Variants in CABLES1 observed in about 807,000 individuals in gnomAD.
The protein encoded by CABLES1 is CDK5 and ABL1 enzyme substrate 1.
A neutral mutation model predicts 57.8 loss-of-function variants in CABLES1; 36 were observed. That is an observed-to-expected ratio of 0.62 (90% confidence interval 0.48 to 0.82). The LOEUF (loss-of-function observed/expected upper bound fraction) is 0.82, where lower values mean the gene tolerates loss of function less well. Among genes scored for constraint, CABLES1 ranks in the 40% least tolerant of loss-of-function variants. The pLI is 0.00. For missense variants in CABLES1, 767 were observed against 836.6 expected, an observed-to-expected ratio of 0.92 and a Z score of 1.03; for synonymous variants, 374 against 363.0, an observed-to-expected ratio of 1.03 and a Z score of -0.35.
Position 23,169,111 on chromosome 18 carries a change from C to T in CABLES1, c.846-19727C>T, listed in dbSNP as rs531085800. On this transcript the variant is annotated intron_variant, in intron 1 of 9. Transcript: ENST00000256925. Reference sequence around the variant, plus strand: ...GAGTGACCTCTGGTCATCCTCACTGCTACACTCCCACCAGCGCCATGACAG... The same window carrying T: ...GAGTGACCTCTGGTCATCCTCACTGTTACACTCCCACCAGCGCCATGACAG... Among the ~76,000 whole-genome samples, 6 of 152,256 alleles carry T rather than the reference C, an allele frequency of 3.9e-5. No homozygotes were observed. The South Asian group carries it at 1.0e-3, about 26-fold the overall frequency.
intron 1 of CABLES1, among the ~76,000 whole-genome samples, chr18:23,141,927 A>G (rs2046860557): frequency 6.6e-6 from 1 of 152,176 alleles, no homozygotes; most frequent in Non-Finnish European, 1.5e-5. Flanking sequence ...GGAGGGTAGA[A>G]TAGGAGGCAG....
intron 4 of CABLES1, among the ~76,000 whole-genome samples, chr18:23,223,832 T>TA (rs1358349400): frequency 1.3e-5 from 2 of 152,072 alleles, no homozygotes; most frequent in Non-Finnish European, 2.9e-5. Flanking sequence ...TGTCAGGACT[T>TA]ACTGGCATGC....
intron 7 of CABLES1, 97 bp from the exon 8 acceptor site, chr18:23,252,863 A>T (rs1005719690): frequency 1.3e-6 from 1 of 758,894 alleles, no homozygotes; most frequent in Non-Finnish European, 2.3e-6. Flanking sequence ...CCCGTTGCTC[A>T]TGGCTTTGGG....
At position 23,209,169 on chromosome 18, in the gene CABLES1, C is replaced by T. The variant is rs79027740; in HGVS notation, c.1011-4808C>T. Among the ~76,000 whole-genome samples the T allele has an allele frequency of 3.5e-3, 537 of 152,344 alleles. 5 individuals are homozygous for T. Among genetic ancestry groups the T allele is most frequent in the Non-Finnish European group, 3.8e-3 (256 of 68,034 alleles). On this transcript the variant is annotated intron_variant, in intron 3 of 9. Transcript: ENST00000256925. ...TAGCATGGTGAAATCTCTCACCCTC[C>T]CACTCTGTTTGATCTGGGACATGAG...
chr18:23,256,312 A>C (rs1021641633), intron 9 of CABLES1, among the ~76,000 whole-genome samples: 2 of 152,190 alleles, frequency 1.3e-5, no homozygotes, highest in Non-Finnish European at 2.9e-5. Flanking sequence ...GCAAGATGCC[A>C]CCAGGCTCAG....
intron 3 of CABLES1, among the ~76,000 whole-genome samples, chr18:23,212,637 T>G (rs934000338): frequency 6.6e-6 from 1 of 152,114 alleles, no homozygotes; most frequent in African/African-American, 2.4e-5. Flanking sequence ...CATGCATAGA[T>G]GGAGGGGCCA....
intron 7 of CABLES1, among the ~76,000 whole-genome samples, chr18:23,247,453 G>A (rs1038195355): frequency 8.5e-5 from 13 of 152,254 alleles, no homozygotes; most frequent in African/African-American, 2.9e-4. Context: ...CCCCTTCCAA[G>A]CCAGGATCTG....
chr18:23,161,589 A>T (rs977372645), intron 1 of CABLES1, among the ~76,000 whole-genome samples: 2 of 150,460 alleles, frequency 1.3e-5, no homozygotes, highest in Non-Finnish European at 3.0e-5. Context: ...ATACGTATGT[A>T]TCTGCATTTA....
chr18:23,168,890 G>C (rs544515270), intron 1 of CABLES1, among the ~76,000 whole-genome samples: 23 of 152,268 alleles, frequency 1.5e-4, no homozygotes, highest in African/African-American at 5.3e-4. Flanking sequence ...TTGAGCCAGA[G>C]CAGCTCCTTC....
intron 7 of CABLES1, among the ~76,000 whole-genome samples, chr18:23,248,188 G>C (rs936363816): frequency 6.6e-6 from 1 of 152,194 alleles, no homozygotes; most frequent in Admixed American, 6.5e-5. Flanking sequence ...CAGGGAGTGT[G>C]GCGCAGGGGC....
chr18:23,206,967 C>A (rs2047368455), intron 3 of CABLES1, among the ~76,000 whole-genome samples: 1 of 152,070 alleles, frequency 6.6e-6, no homozygotes, highest in Non-Finnish European at 1.5e-5. Context: ...TGTGCTACCA[C>A]ACCCAGCTGA....
Position 23,136,214 on chromosome 18 carries a change from C to T in CABLES1, c.452C>T (p.Pro151Leu), listed in dbSNP as rs1417314219. ...CCCTCGTCGCTGCCGCCCTTGATTC[C>T]TGGCGGCCATGCGACCGTGTCCGGC... is the stretch of plus-strand genomic sequence containing the variant. ...PQPSSLPPLIPGGHATVSGPG... is the reference protein window; with the variant it reads ...PQPSSLPPLILGGHATVSGPG... Residue 151 changes from proline (P) to leucine (L), a missense_variant, in exon 1 of 10, where the codon CCT (proline) becomes CTT (leucine). By Grantham distance (98) the Pro-to-Leu change is moderately conservative. Around this residue, in one of 4 missense-constraint regions of CABLES1, gnomAD observed 529 missense variants for 622.8 expected, o/e 0.85. Coordinates refer to ENST00000256925, the MANE Select transcript of CABLES1 (RefSeq NM_001100619.3). The T allele has an allele frequency of 2.4e-5, 30 of 1,258,836 alleles. No individual in the cohort carries two copies. The highest frequency in any genetic ancestry group is 2.3e-4 in the African/African-American group (15 of 64,074). The allele number at this position is 1,258,836 out of a possible 1,614,324, so 78.0% of individuals were successfully genotyped here.
chr18:23,175,994 C>A (rs2047120723), intron 1 of CABLES1, among the ~76,000 whole-genome samples: 1 of 152,080 alleles, frequency 6.6e-6, no homozygotes, highest in Admixed American at 6.5e-5. Flanking sequence ...ATGAATATTT[C>A]CAAATGTAAT....
At chr18:23,222,248 GCCCT>G (rs1247438585) in intron 4 of CABLES1, among the ~76,000 whole-genome samples, 1 of 152,100 alleles carries the variant, frequency 6.6e-6, no homozygotes, top group Admixed American at 6.5e-5. Context: ...GGGATACTCA[GCCCT>G]CCCTCCAGGC....
chr18:23,223,704 C>A (rs2047506803), intron 4 of CABLES1, among the ~76,000 whole-genome samples: 1 of 152,028 alleles, frequency 6.6e-6, no homozygotes, highest in Admixed American at 6.6e-5. Flanking sequence ...GAAGCCCCTG[C>A]CTGCATCCTC....
chr18:23,204,576 C>T (rs2145040438), intron 3 of CABLES1: 1 of 152,444 alleles, frequency 6.6e-6, no homozygotes, highest in Non-Finnish European at 1.5e-5. Flanking sequence ...TGATAAAGAC[C>T]TACATGAGAC....
chr18:23,221,548 C>G (rs1456768064), intron 4 of CABLES1, among the ~76,000 whole-genome samples: 4 of 152,100 alleles, frequency 2.6e-5, no homozygotes, highest in Non-Finnish European at 5.9e-5. Context: ...AGCACAGACA[C>G]CCAGGACCAA....
chr18:23,163,775 T>C (rs2051850175), intron 1 of CABLES1, among the ~76,000 whole-genome samples: 1 of 152,184 alleles, frequency 6.6e-6, no homozygotes, highest in Admixed American at 6.5e-5. Context: ...GGTTATTTAG[T>C]GGAGGGAGTT....
chr18:23,217,566 A>G (rs962014986), intron 4 of CABLES1, among the ~76,000 whole-genome samples: 7 of 152,344 alleles, frequency 4.6e-5, no homozygotes, highest in South Asian at 2.1e-4. Flanking sequence ...AAACTTTTCA[A>G]TGAGCAGACA....
Sources: allele counts gnomAD v4.1 joint callset (sites outside exome capture counted in the v4.1 genomes callset), GRCh38; gene constraint gnomAD v4.1.1; regional missense constraint gnomAD v4.1.1; transcripts MANE v1.5; gene names NCBI Gene and HGNC (gene_info 2026-07-23, HGNC 2026-07-21).